RBFOX1: variants seen among roughly 807,000 people sequenced by gnomAD.
RBFOX1 encodes RNA binding fox-1 homolog 1.
Under a neutral mutation model 57.7 loss-of-function variants are expected in RBFOX1, and 8 were observed. The ratio of observed to expected loss-of-function variants is 0.14; its 90% CI spans 0.08 to 0.25. The LOEUF (loss-of-function observed/expected upper bound fraction) is 0.25, where lower values mean the gene tolerates loss of function less well. Ranked by LOEUF, RBFOX1 falls within the 10% of genes least tolerant of loss-of-function variation. The probability of loss-of-function intolerance (pLI) is 1.00; values close to 1 mark genes in which losing one functional copy is unlikely to be tolerated. For synonymous variants in RBFOX1, 326 were observed against 222.4 expected (o/e 1.47, Z -4.15); for missense variants, 611 against 548.5 (o/e 1.11, Z -1.14).
chr16:7,152,853 T>C (rs2076359317), intron 4 of RBFOX1, among the ~76,000 whole-genome samples: 2 of 152,170 alleles, frequency 1.3e-5, no homozygotes, highest in Admixed American at 6.5e-5. Flanking sequence ...GAGTCTTGCA[T>C]GAAGGCACTT....
chr16:5,391,460 A>G (rs1349870389), intron 1 of RBFOX1, among the ~76,000 whole-genome samples: 1 of 152,172 alleles, frequency 6.6e-6, no homozygotes, highest in Admixed American at 6.5e-5. Flanking sequence ...CTCCACATGT[A>G]AGGTCCCTTG....
chr16:5,663,430 C>T (rs2151393420), intron 3 of RBFOX1, among the ~76,000 whole-genome samples: 1 of 151,678 alleles, frequency 6.6e-6, no homozygotes, highest in Non-Finnish European at 1.5e-5. Context: ...TCCTCAAACT[C>T]CTGGCCTCAA....
chr16:6,749,182 G>A (rs961976267), intron 3 of RBFOX1, among the ~76,000 whole-genome samples: 1 of 152,204 alleles, frequency 6.6e-6, no homozygotes, highest in South Asian at 2.1e-4. Context: ...GCAGATCTGA[G>A]TTTGGATCCT....
rs186687407 is a variant in RBFOX1, at chr16:6,980,885, A to G, written c.-15-71172A>G. On this transcript the variant is annotated intron_variant, in intron 3 of 15. Transcript: ENST00000550418. ...TGTTGAAACCCCATCTGTACTAAAA[A>G]TACAAAAATTAGCTGGGCATGGTGG... 6.0e-3 allele frequency among the ~76,000 whole-genome samples: 920 copies of G among 152,084 alleles called. 4 individuals are homozygous for G. The highest frequency in any genetic ancestry group is 9.4e-3 in the Non-Finnish European group (642 of 67,998).
At chr16:5,494,024 C>T (rs187561682) in intron 2 of RBFOX1, among the ~76,000 whole-genome samples, 56 of 152,250 alleles carry the variant, frequency 3.7e-4, no homozygotes, top group African/African-American at 1.2e-3. Context: ...TGAAGACTCA[C>T]GAGGTGATTT....
At chr16:7,589,586 G>T (rs1448009661) in intron 7 of RBFOX1, among the ~76,000 whole-genome samples, 1 of 151,928 alleles carries the variant, frequency 6.6e-6, no homozygotes, top group Admixed American at 6.6e-5. Flanking sequence ...TGTCTTGCAG[G>T]TGTTGGAGCT....
At chr16:6,752,496 C>A (rs144298141) in intron 3 of RBFOX1, among the ~76,000 whole-genome samples, 14 of 152,156 alleles carry the variant, frequency 9.2e-5, no homozygotes, top group African/African-American at 3.4e-4. Flanking sequence ...TTGCTATGTG[C>A]TGGAAGCTGT....
At position 7,151,278 on chromosome 16, in the gene RBFOX1, A is replaced by G. The variant is rs58175635; in HGVS notation, c.27+99180A>G. Among the ~76,000 whole-genome samples the G allele has an allele frequency of 9.4e-3, 1,431 of 152,306 alleles. 26 individuals are homozygous for G. The highest frequency in any genetic ancestry group is 0.033 in the African/African-American group (1,351 of 41,556). On this transcript the variant is annotated intron_variant, in intron 4 of 15. Transcript: ENST00000550418. ...TTTCTTGCCTTCACTTGGATTCAGAATGGTTCTGATTACAGTCAACAGAAA... is the reference window on the plus strand; with the variant it reads ...TTTCTTGCCTTCACTTGGATTCAGAGTGGTTCTGATTACAGTCAACAGAAA...
At chr16:5,263,072 CGGTGGT>C (rs758756491) in intron 1 of RBFOX1, among the ~76,000 whole-genome samples, 3 of 143,000 alleles carry the variant, frequency 2.1e-5, no homozygotes, top group Admixed American at 2.1e-4. Flanking sequence ...GGCAGGGTGA[CGGTGGT>C]GGTGGTGGTG....
At chr16:5,524,491 G>A (rs536833094) in intron 2 of RBFOX1, among the ~76,000 whole-genome samples, 1 of 151,700 alleles carries the variant, frequency 6.6e-6, no homozygotes, top group Admixed American at 6.6e-5. Flanking sequence ...TATTCCTTTC[G>A]GTTTATACCC....
intron 2 of RBFOX1, among the ~76,000 whole-genome samples, chr16:6,617,684 A>C (rs932298444): frequency 6.6e-6 from 1 of 152,158 alleles, no homozygotes; most frequent in African/African-American, 2.4e-5. Context: ...GGGAGCCTGC[A>C]GTCTTGTGGA....
intron 3 of RBFOX1, among the ~76,000 whole-genome samples, chr16:5,694,015 G>A (rs117851293): frequency 7.2e-5 from 11 of 152,286 alleles, no homozygotes; most frequent in Non-Finnish European, 1.5e-4. Context: ...CAGCTTCGGG[G>A]CATCAGAGTA....
Position 7,579,791 on chromosome 16 carries a change from A to G in RBFOX1, c.285A>G (p.Ala95=), listed in dbSNP as rs754737409. 5.6e-6 allele frequency: 9 copies of G among 1,614,102 alleles called. No individual in the cohort carries two copies. Among genetic ancestry groups the G allele is most frequent in the Non-Finnish European group, 7.6e-6 (9 of 1,179,976 alleles). The change falls in exon 6 of 16, where the codon GCA becomes GCG. Residue 95 remains alanine, a synonymous_variant. Coordinates refer to ENST00000550418, the MANE Select transcript of RBFOX1 (RefSeq NM_018723.4). The part of the protein sequence containing the change: ...VSGTATQTDD[A]APTDGQPQTQ... ...TGTTCTTTTAGCAGACAGATGACGC[A>G]GCACCGACGGATGGCCAGCCCCAGA...
At chr16:6,476,379 G>T (rs2095272217) in intron 2 of RBFOX1, among the ~76,000 whole-genome samples, 1 of 152,094 alleles carries the variant, frequency 6.6e-6, no homozygotes, top group African/African-American at 2.4e-5. Flanking sequence ...AGATACTGTA[G>T]GTTCAGTTAC....
At chr16:7,703,019 A>C (rs2081275227) in intron 14 of RBFOX1, among the ~76,000 whole-genome samples, 1 of 152,204 alleles carries the variant, frequency 6.6e-6, no homozygotes, top group Non-Finnish European at 1.5e-5. Flanking sequence ...CAGAACTGCT[A>C]AATCTCATTT....
At chr16:7,460,389 A>ATATG in intron 4 of RBFOX1, among the ~76,000 whole-genome samples, 24 of 87,212 alleles carry the variant, frequency 2.8e-4, no homozygotes, top group Non-Finnish European at 3.7e-4. Context: ...ATATATATAT[A>ATATG]TGTGTGTGTG....
chr16:5,895,337 G>A (rs1370699757), intron 4 of RBFOX1, among the ~76,000 whole-genome samples: 1 of 152,146 alleles, frequency 6.6e-6, no homozygotes, highest in Non-Finnish European at 1.5e-5. Context: ...TGACTCACAT[G>A]CCCATTACAT....
chr16:7,119,109 C>G (rs536200033), intron 4 of RBFOX1, among the ~76,000 whole-genome samples: 3 of 152,228 alleles, frequency 2.0e-5, no homozygotes, highest in Non-Finnish European at 4.4e-5. Context: ...GGAATCTAGG[C>G]AAGTGTTGCA....
intron 2 of RBFOX1, among the ~76,000 whole-genome samples, chr16:6,322,041 G>A (rs1186772095): frequency 2.0e-5 from 3 of 152,178 alleles, no homozygotes; most frequent in Non-Finnish European, 4.4e-5. Flanking sequence ...AGGAACCTCA[G>A]TCCCAAGCCT....
Sources: allele counts gnomAD v4.1 joint callset (sites outside exome capture counted in the v4.1 genomes callset), GRCh38; gene constraint gnomAD v4.1.1; transcripts MANE v1.5; gene names NCBI Gene and HGNC (gene_info 2026-07-23, HGNC 2026-07-21).